The following GPR52 variants were observed in gnomAD, a reference collection of about 807,000 sequenced individuals.
GPR52 encodes probable G-protein coupled receptor 52.
In GPR52, 8 loss-of-function variants were observed where a neutral mutation model predicts 24.0. The ratio of observed to expected loss-of-function variants is 0.33; its 90% CI spans 0.20 to 0.60. GPR52 has a LOEUF of 0.60. Ranked by LOEUF, GPR52 falls within the 20% of genes least tolerant of loss-of-function variation. The pLI, the probability that GPR52 is intolerant of heterozygous loss-of-function variation, is 0.82. For missense variants in GPR52, 412 were observed against 447.7 expected (o/e 0.92, Z 0.72); for synonymous variants, 144 against 158.1 (o/e 0.91, Z 0.67).
In GPR52 at chr1:174,448,247, G is replaced by A. The variant is rs1655015252; in HGVS notation, c.136G>A (p.Val46Ile). Residue 46 changes from valine to isoleucine, a missense_variant, in exon 1 of 1, where the codon GTT becomes ATT. Transcript: ENST00000367685. This position sits in a 1 kb window ranked among gnomAD's most constrained non-coding sequence, Gnocchi z 4.2. ...VVDVCIFETVVIVLLTFLIIA... is the reference protein window; with the variant it reads ...VVDVCIFETVIIVLLTFLIIA... ...GGATGTCTGCATCTTCGAGACAGTG[G>A]TTATTGTGTTGCTGACATTTCTGAT... The A allele has an allele frequency of 6.2e-7, 1 of 1,613,942 alleles. No homozygotes were observed. Among genetic ancestry groups the A allele is most frequent in the Admixed American group, 1.7e-5 (1 of 59,994 alleles).
At position 174,448,029 on chromosome 1, in the gene GPR52, C is replaced by T. The variant is rs900329926; in HGVS notation, c.-83C>T. On this transcript the variant is annotated 5_prime_UTR_variant, in exon 1 of 1. Transcript: ENST00000367685. This position sits in a 1 kb window ranked among gnomAD's most constrained non-coding sequence, Gnocchi z 4.2. Reference sequence around the variant, plus strand: ...GTCTACTGAAGCAGGTTCTGAAACACTCATGTGCGGTGTTTAACAGATGCT... The same window carrying T: ...GTCTACTGAAGCAGGTTCTGAAACATTCATGTGCGGTGTTTAACAGATGCT... The T allele has an allele frequency of 8.4e-7, 1 of 1,186,890 alleles. No homozygotes were observed. Among genetic ancestry groups the T allele is most frequent in the East Asian group, 2.3e-5 (1 of 42,718 alleles). The allele number at this position is 1,186,890 out of a possible 1,614,324, so 73.5% of individuals were successfully genotyped here.
rs1655029830 is a variant in GPR52 at position 174,448,365 on chromosome 1, A to G, written c.254A>G (p.Tyr85Cys). 2 of 1,613,942 alleles carry G rather than the reference A, an allele frequency of 1.2e-6. No individual in the cohort carries two copies. Among genetic ancestry groups the G allele is most frequent in the Non-Finnish European group, 1.7e-6 (2 of 1,179,822 alleles). Residue 85 changes from tyrosine to cysteine, a missense_variant, in exon 1 of 1, where the codon TAT (tyrosine) becomes TGT (cysteine). Transcript: ENST00000367685. This position sits in a 1 kb window ranked among gnomAD's most constrained non-coding sequence, Gnocchi z 4.2. The stretch of plus-strand genomic sequence containing the variant: ...AGCTATTTCATTCAGACGATGGCAT[A>G]TGCTGATCTTTTCGTTGGAGTTAGC... Reference protein sequence around the residue: ...TTSYFIQTMAYADLFVGVSCL... With the variant: ...TTSYFIQTMACADLFVGVSCL...
At position 174,448,710 on chromosome 1, in the gene GPR52, G is replaced by A. The variant is rs200511290; in HGVS notation, c.599G>A (p.Ser200Asn). 1.1e-5 allele frequency: 17 copies of A among 1,614,058 alleles called. No homozygotes were observed. In the East Asian group the frequency reaches 3.3e-4, roughly 32 times the overall value. ...FEWCATSWLT[S>N]AYFTGFIVCL... ...TGGTGTGCCACGTCTTGGCTCACCA[G>A]TGCCTATTTTACTGGCTTTATTGTT... Residue 200 changes from serine (S) to asparagine (N), a missense_variant, in exon 1 of 1, where the codon AGT (serine) becomes AAT (asparagine). Ser to Asn is a conservative substitution (Grantham distance 46, BLOSUM62 1). Transcript: ENST00000367685. This position sits in a 1 kb window ranked among gnomAD's most constrained non-coding sequence, Gnocchi z 4.2.
chr1:174,448,408 G>T lies in GPR52; in HGVS notation c.297G>T (p.Leu99=), dbSNP rs141857283. The T allele has an allele frequency of 3.1e-6, 5 of 1,613,254 alleles. No homozygotes were observed. The highest frequency in any genetic ancestry group is 4.2e-6 in the Non-Finnish European group (5 of 1,179,224). Residue 99 remains leucine, a synonymous_variant, in exon 1 of 1, where the codon CTG becomes CTT. Transcript: ENST00000367685. The surrounding 1 kb of genome is among the most constrained non-coding windows in gnomAD (Gnocchi z 4.2). ...FVGVSCLVPT[L]SLLHYSTGVH... Reference sequence around the variant, plus strand: ...GAGTTAGCTGCTTGGTTCCTACTCTGTCACTTCTCCACTACTCCACAGGTG... The same window carrying T: ...GAGTTAGCTGCTTGGTTCCTACTCTTTCACTTCTCCACTACTCCACAGGTG...
rs753137148 is a variant in GPR52 at position 174,449,156 on chromosome 1, G to A, written c.1045G>A (p.Glu349Lys). ...GTGTGTGAAGGATCAGGAAGCACAAGAACCCAAACCTAGGAAACGGGCTAA... is the reference window on the plus strand; with the variant it reads ...GTGTGTGAAGGATCAGGAAGCACAAAAACCCAAACCTAGGAAACGGGCTAA... ...CMCVKDQEAQ[E>K]PKPRKRANSC... The change falls in exon 1 of 1, where the codon GAA becomes AAA. Residue 349 changes from glutamate to lysine, a missense_variant. Transcript: ENST00000367685. 2.5e-6 allele frequency: 4 copies of A among 1,610,204 alleles called. No homozygotes were observed. The Admixed American group carries it at 5.1e-5, about 20-fold the overall frequency.
chr1:174,448,295 A>C lies in GPR52; in HGVS notation c.184A>C (p.Ile62Leu), dbSNP rs751350155. ...GATCATTGCTGGGAATCTAACAGTTATCTTTGTCTTTCATTGTGCTCCACT... is the reference window on the plus strand; with the variant it reads ...GATCATTGCTGGGAATCTAACAGTTCTCTTTGTCTTTCATTGTGCTCCACT... ...FLIIAGNLTV[I>L]FVFHCAPLLH... Residue 62 changes from isoleucine (I) to leucine (L), a missense_variant, in exon 1 of 1, where the codon ATC becomes CTC. By Grantham distance (5) the Ile-to-Leu change is conservative (BLOSUM62 2). Coordinates refer to ENST00000367685, the MANE Select transcript of GPR52 (RefSeq NM_005684.5). This position sits in a 1 kb window ranked among gnomAD's most constrained non-coding sequence, Gnocchi z 4.2. 4.3e-6 allele frequency: 7 copies of C among 1,613,022 alleles called. No homozygotes were observed. The highest frequency in any genetic ancestry group is 5.9e-6 in the Non-Finnish European group (7 of 1,179,018).
At position 174,448,452 on chromosome 1, in the gene GPR52, G is replaced by A; in HGVS notation, c.341G>A (p.Cys114Tyr). 1 of 1,613,792 alleles carries A rather than the reference G, an allele frequency of 6.2e-7. No individual in the cohort carries two copies. Residue 114 changes from cysteine (C) to tyrosine (Y), a missense_variant, in exon 1 of 1, where the codon TGC becomes TAC. Physicochemically the swap from Cys to Tyr is radical, Grantham distance 194. Transcript: ENST00000367685. The surrounding 1 kb of genome is among the most constrained non-coding windows in gnomAD (Gnocchi z 4.2). ...YSTGVHESLT[C>Y]QVFGYIISVL... is the part of the protein sequence containing the mutation. The stretch of plus-strand genomic sequence containing the variant: ...ACAGGTGTCCACGAGTCATTGACTT[G>A]CCAGGTTTTTGGATATATCATCTCA...
Position 174,448,318 on chromosome 1 carries a change from A to G in GPR52, c.207A>G (p.Pro69=), listed in dbSNP as rs1655022554. 3 of 1,613,476 alleles carry G rather than the reference A, an allele frequency of 1.9e-6. No homozygotes were observed. The highest frequency in any genetic ancestry group is 1.3e-5 in the African/African-American group (1 of 74,962). The change falls in exon 1 of 1, where the codon CCA becomes CCG. Residue 69 remains proline (P), a synonymous_variant. Transcript: ENST00000367685. The surrounding 1 kb of genome is among the most constrained non-coding windows in gnomAD (Gnocchi z 4.2). ...TTATCTTTGTCTTTCATTGTGCTCC[A>G]CTGTTACATCATTATACTACCAGCT... ...LTVIFVFHCA[P]LLHHYTTSYF... is the part of the protein sequence containing the mutation.
In GPR52 at chr1:174,449,156, GAACCCA is replaced by G. The variant is rs1410651856; in HGVS notation, c.1050_1055del (p.Lys351_Pro352del). Reference sequence around the variant, plus strand: ...GTGTGTGAAGGATCAGGAAGCACAAGAACCCAAACCTAGGAAACGGGCTAATTCTTG... The same window carrying G: ...GTGTGTGAAGGATCAGGAAGCACAAGAACCTAGGAAACGGGCTAATTCTTG... On this transcript the variant is annotated inframe_deletion, in exon 1 of 1. Transcript: ENST00000367685. 6.2e-6 allele frequency: 10 copies of G among 1,610,202 alleles called. No individual in the cohort carries two copies. The highest frequency in any genetic ancestry group is 7.6e-6 in the Non-Finnish European group (9 of 1,178,622).
Position 174,448,392 on chromosome 1 carries a change from G to A in GPR52, c.281G>A (p.Cys94Tyr). ...GCTGATCTTTTCGTTGGAGTTAGCT[G>A]CTTGGTTCCTACTCTGTCACTTCTC... is the stretch of plus-strand genomic sequence containing the variant. ...AYADLFVGVSCLVPTLSLLHY... is the reference protein window; with the variant it reads ...AYADLFVGVSYLVPTLSLLHY... The change falls in exon 1 of 1, where the codon TGC (cysteine) becomes TAC (tyrosine). Residue 94 changes from cysteine (C) to tyrosine (Y), a missense_variant. Cys to Tyr is a radical substitution (Grantham distance 194, BLOSUM62 -2). Transcript: ENST00000367685. The surrounding 1 kb of genome is among the most constrained non-coding windows in gnomAD (Gnocchi z 4.2). The A allele has an allele frequency of 6.2e-7, 1 of 1,613,416 alleles. No individual in the cohort carries two copies. The highest frequency in any genetic ancestry group is 8.5e-7 in the Non-Finnish European group (1 of 1,179,378).
chr1:174,449,148 A>C lies in GPR52; in HGVS notation c.1037A>C (p.Glu346Ala). 4 of 1,611,624 alleles carry C rather than the reference A, an allele frequency of 2.5e-6. No individual in the cohort carries two copies. The highest frequency in any genetic ancestry group is 3.4e-6 in the Non-Finnish European group (4 of 1,179,074). ...TCCTGTATGTGTGTGAAGGATCAGG[A>C]AGCACAAGAACCCAAACCTAGGAAA... ...CTSCMCVKDQ[E>A]AQEPKPRKRA... The change falls in exon 1 of 1, where the codon GAA becomes GCA. Residue 346 changes from glutamate to alanine, a missense_variant. Physicochemically the swap from Glu to Ala is moderately radical, Grantham distance 107. Coordinates refer to ENST00000367685, the MANE Select transcript of GPR52 (RefSeq NM_005684.5).
At position 174,449,191 on chromosome 1, in the gene GPR52, C is replaced by T. The variant is rs755722029; in HGVS notation, c.1080C>T (p.Ser360=). The change falls in exon 1 of 1, where the codon TCC becomes TCT. Residue 360 remains serine (S), a synonymous_variant. Coordinates refer to ENST00000367685, the MANE Select transcript of GPR52 (RefSeq NM_005684.5). The part of the protein sequence containing the change: ...PKPRKRANSC[S]I ...CTAGGAAACGGGCTAATTCTTGCTCCATTTGAAGAGAGCTACATAGTAAAT... is the reference window on the plus strand; with the variant it reads ...CTAGGAAACGGGCTAATTCTTGCTCTATTTGAAGAGAGCTACATAGTAAAT... 1.3e-6 allele frequency: 2 copies of T among 1,591,932 alleles called. No homozygotes were observed. The highest frequency in any genetic ancestry group is 2.3e-5 in the South Asian group (2 of 85,926).
rs1209611865 is a variant in GPR52 at position 174,449,053 on chromosome 1, T to C, written c.942T>C (p.Cys314=). 6.2e-7 allele frequency: 1 copy of C among 1,614,080 alleles called. No homozygotes were observed. ...CAATAAGTAATAGTTTTTGTAACTG[T>C]GTAATATACAGCCTCTCCAACAGCG... ...WLAISNSFCN[C]VIYSLSNSVF... Residue 314 remains cysteine (C), a synonymous_variant, in exon 1 of 1, where the codon TGT becomes TGC. Coordinates refer to ENST00000367685, the MANE Select transcript of GPR52 (RefSeq NM_005684.5).
In GPR52 at chr1:174,449,397, G is replaced by T. The variant is rs1250749460; in HGVS notation, c.*200G>T. The stretch of plus-strand genomic sequence containing the variant: ...AAGGATGTATAGAGGGTTAGCTCAT[G>T]AAATAATTATAGCATGTGAGTATTA... On this transcript the variant is annotated 3_prime_UTR_variant, in exon 1 of 1. Coordinates refer to ENST00000367685, the MANE Select transcript of GPR52 (RefSeq NM_005684.5). Among the ~76,000 whole-genome samples, 1 of 152,148 alleles carries T rather than the reference G, an allele frequency of 6.6e-6. No homozygotes were observed. Among genetic ancestry groups the T allele is most frequent in the Non-Finnish European group, 1.5e-5 (1 of 68,030 alleles).
In GPR52 at chr1:174,449,125, C is replaced by T; in HGVS notation, c.1014C>T (p.Ser338=). The change falls in exon 1 of 1, where the codon TCC becomes TCT. Residue 338 remains serine, a synonymous_variant. Coordinates refer to ENST00000367685, the MANE Select transcript of GPR52 (RefSeq NM_005684.5). The part of the protein sequence containing the change: ...LRRLSETMCT[S]CMCVKDQEAQ... ...GACTGTCTGAGACAATGTGCACATC[C>T]TGTATGTGTGTGAAGGATCAGGAAG... The T allele has an allele frequency of 6.2e-7, 1 of 1,613,370 alleles. No individual in the cohort carries two copies. Among genetic ancestry groups the T allele is most frequent in the Non-Finnish European group, 8.5e-7 (1 of 1,179,528 alleles).
rs932940678 is a variant in GPR52, at chr1:174,449,381, T to C, written c.*184T>C. ...GGAAGAAACTAAAGGGAAGGATGTA[T>C]AGAGGGTTAGCTCATGAAATAATTA... On this transcript the variant is annotated 3_prime_UTR_variant, in exon 1 of 1. Transcript: ENST00000367685. Among the ~76,000 whole-genome samples, 3 of 152,190 alleles carry C rather than the reference T, an allele frequency of 2.0e-5. No individual in the cohort carries two copies. The highest frequency in any genetic ancestry group is 2.9e-5 in the Non-Finnish European group (2 of 68,034).
Position 174,449,347 on chromosome 1 carries a change from C to A in GPR52, c.*150C>A, listed in dbSNP as rs976061416. ...ACTAAAGGTTTCTCTCTTTTTTTTT[C>A]TTTTTCATGGAAGAAACTAAAGGGA... On this transcript the variant is annotated 3_prime_UTR_variant, in exon 1 of 1. Transcript: ENST00000367685. 7.5e-6 allele frequency: 5 copies of A among 666,976 alleles called. No homozygotes were observed. The highest frequency in any genetic ancestry group is 6.8e-5 in the Admixed American group (2 of 29,452). The allele number at this position is 666,976 out of a possible 1,614,324, so 41.3% of individuals were successfully genotyped here.
chr1:174,448,593 G>C lies in GPR52; in HGVS notation c.482G>C (p.Cys161Ser), dbSNP rs1193748709. The part of the protein sequence containing the change: ...QLVTPCRLRI[C>S]IILIWIYSCL... ...GTCACCCCTTGTCGCTTGAGAATTT[G>C]CATTATTTTGATCTGGATCTACTCC... The change falls in exon 1 of 1, where the codon TGC becomes TCC. Residue 161 changes from cysteine to serine, a missense_variant. Coordinates refer to ENST00000367685, the MANE Select transcript of GPR52 (RefSeq NM_005684.5). The surrounding 1 kb of genome is among the most constrained non-coding windows in gnomAD (Gnocchi z 4.2). The C allele has an allele frequency of 6.2e-7, 1 of 1,613,908 alleles. No homozygotes were observed. The highest frequency in any genetic ancestry group is 8.5e-7 in the Non-Finnish European group (1 of 1,179,860).
Position 174,448,910 on chromosome 1 carries a change from T to G in GPR52, c.799T>G (p.Leu267Val). 6.2e-7 allele frequency: 1 copy of G among 1,613,922 alleles called. No homozygotes were observed. Among genetic ancestry groups the G allele is most frequent in the Non-Finnish European group, 8.5e-7 (1 of 1,179,784 alleles). The change falls in exon 1 of 1, where the codon TTG becomes GTG. Residue 267 changes from leucine to valine, a missense_variant. By Grantham distance (32) the Leu-to-Val change is conservative (BLOSUM62 1). Coordinates refer to ENST00000367685, the MANE Select transcript of GPR52 (RefSeq NM_005684.5). This position sits in a 1 kb window ranked among gnomAD's most constrained non-coding sequence, Gnocchi z 4.2. Reference protein sequence around the residue: ...HSPDRRYAMVLFRITSVFYML... With the variant: ...HSPDRRYAMVVFRITSVFYML... ...CCCTGACCGTCGCTACGCCATGGTT[T>G]TGTTTAGGATAACCAGTGTATTTTA... is the stretch of plus-strand genomic sequence containing the variant.
Sources: allele counts gnomAD v4.1 joint callset (sites outside exome capture counted in the v4.1 genomes callset), GRCh38; gene constraint gnomAD v4.1.1; non-coding constraint Gnocchi (gnomAD v3.1); transcripts MANE v1.5; gene names NCBI Gene and HGNC (gene_info 2026-07-23, HGNC 2026-07-21).